The following STRADA variants were observed in gnomAD, a reference collection of about 807,000 sequenced individuals.
STRADA encodes the protein STE20-related kinase adapter protein alpha.
STRADA carries 26 observed loss-of-function variants against 55.0 expected under a neutral mutation model. That is an observed-to-expected ratio of 0.47 (90% CI 0.35 to 0.66). STRADA has a LOEUF of 0.66. STRADA is among the 30% of genes least tolerant of loss of function. The pLI is 0.01. For synonymous variants in STRADA, 197 were observed against 210.9 expected, an observed-to-expected ratio of 0.93 and a Z score of 0.57; for missense variants, 443 against 549.7, an observed-to-expected ratio of 0.81 and a Z score of 1.94.
intron 4 of STRADA, among the ~76,000 whole-genome samples, chr17:63,718,349 C>T (rs1266656169): frequency 6.6e-6 from 1 of 152,118 alleles, no homozygotes; most frequent in Non-Finnish European, 1.5e-5. Context: ...AATGGAGCAG[C>T]AATTTGAGCA....
chr17:63,723,637 C>T (rs2037456498), intron 3 of STRADA: 2 of 315,764 alleles, frequency 6.3e-6, no homozygotes, highest in Non-Finnish European at 1.2e-5. Context: ...TTGGCATCAA[C>T]ACACAATGTT....
chr17:63,732,000 G>T (rs924506833), intron 1 of STRADA, among the ~76,000 whole-genome samples: 2 of 152,020 alleles, frequency 1.3e-5, no homozygotes, highest in African/African-American at 4.8e-5. Flanking sequence ...GAGTAGCTGG[G>T]ACTACAGGCG....
At chr17:63,740,151 C>CATATATAT in intron 1 of STRADA, among the ~76,000 whole-genome samples, 1 of 79,690 alleles carries the variant, frequency 1.3e-5, no homozygotes, top group East Asian at 4.9e-4. Flanking sequence ...TATATATACA[C>CATATATAT]ACACACACAC....
intron 3 of STRADA, chr17:63,725,765 G>A (rs146551113): frequency 0.32 from 48,787 of 151,950 alleles, 8,569 homozygotes; most frequent in South Asian, 0.58. Flanking sequence ...CGCCTCCTGG[G>A]TTCACGCCAT....
intron 10 of STRADA, 80 bp downstream of exon 10, chr17:63,706,555 G>T: frequency 1.0e-6 from 1 of 990,294 alleles, no homozygotes; most frequent in Non-Finnish European, 1.6e-6. Context: ...CCTAGTCTGT[G>T]TCCTGAGTGT....
At chr17:63,740,973 A>G (rs955987157) in intron 1 of STRADA, among the ~76,000 whole-genome samples, 5 of 152,206 alleles carry the variant, frequency 3.3e-5, no homozygotes, top group African/African-American at 1.2e-4. Flanking sequence ...ATGAGTGTCA[A>G]TGAAGAATTG....
chr17:63,721,512 G>C (rs1399811493), intron 4 of STRADA, among the ~76,000 whole-genome samples: 1 of 151,432 alleles, frequency 6.6e-6, no homozygotes, highest in East Asian at 1.9e-4. Context: ...TGAGGTCAGG[G>C]GTTCGAGACC....
rs371845914 is a variant in STRADA at position 63,714,060 on chromosome 17, C to A, written c.172G>T (p.Val58Phe). The A allele has an allele frequency of 4.5e-5, 73 of 1,613,872 alleles. No individual in the cohort carries two copies. The highest frequency in any genetic ancestry group is 6.1e-5 in the Non-Finnish European group (72 of 1,179,964). ...CCCTCTGGCAGAAAGCTACTCATGA[C>A]CTCCTGTTTAGAGAAGGATGCTATT... is the stretch of plus-strand genomic sequence containing the variant. ...ESIASFSKQE[V>F]MSSFLPEGGC... Residue 58 changes from valine to phenylalanine, a missense_variant, in exon 5 of 13, where the codon GTC becomes TTC. Physicochemically the swap from Val to Phe is conservative, Grantham distance 50 (BLOSUM62 -1). Coordinates refer to ENST00000336174, the MANE Select transcript of STRADA (RefSeq NM_001003787.4).
rs1249818974 is a variant in STRADA, at chr17:63,725,405, G to A, written c.94+1233C>T. 2.6e-5 allele frequency among the ~76,000 whole-genome samples: 4 copies of A among 152,130 alleles called. No homozygotes were observed. In the South Asian group the frequency reaches 8.3e-4, roughly 32 times the overall value. The stretch of plus-strand genomic sequence containing the variant: ...CTTGCTCTGTCGCCCAGGCTGGAGT[G>A]CAATGGCGTGATCTTGGCTCACTGC... On this transcript the variant is annotated intron_variant, in intron 3 of 12. Coordinates refer to ENST00000336174, the MANE Select transcript of STRADA (RefSeq NM_001003787.4).
At chr17:63,712,938 T>C (rs1598183624) in intron 6 of STRADA, among the ~76,000 whole-genome samples, 4 of 148,792 alleles carry the variant, frequency 2.7e-5, no homozygotes, top group African/African-American at 1.0e-4. Context: ...GAGGTGGGGG[T>C]TGCAGTGAGC....
chr17:63,729,667 T>C lies in STRADA; in HGVS notation c.-44-1254A>G, dbSNP rs112690656. ...AGCCAGGCATGGTGACAGGCACCTA[T>C]AGTCCCAGCTACTCAGGAGGCTGAG... On this transcript the variant is annotated intron_variant, in intron 1 of 12. Coordinates refer to ENST00000336174, the MANE Select transcript of STRADA (RefSeq NM_001003787.4). 9.4e-3 allele frequency among the ~76,000 whole-genome samples: 1,426 copies of C among 151,752 alleles called. 24 individuals are homozygous for C. The highest frequency in any genetic ancestry group is 0.032 in the African/African-American group (1,335 of 41,410).
chr17:63,705,004 G>A lies in STRADA; in HGVS notation c.859-422C>T, dbSNP rs907642179. 2.5e-6 allele frequency: 3 copies of A among 1,198,324 alleles called. No individual in the cohort carries two copies. The African/African-American group carries it at 4.5e-5, about 18-fold the overall frequency. 74.2% of individuals were successfully genotyped at this position (1,198,324 alleles called of 1,614,324 possible). A position where few individuals can be genotyped will look rare whatever the true frequency, so the allele number is the denominator to read the frequency against. ...TGAGGTCTGAGAGGCAGTCCCTGCA[G>A]TGCCACAGCCTGGGCTGTCGCTGCA... is the stretch of plus-strand genomic sequence containing the variant. On this transcript the variant is annotated intron_variant, in intron 10 of 12. Transcript: ENST00000336174.
At chr17:63,730,806 C>A (rs1461328838) in intron 1 of STRADA, among the ~76,000 whole-genome samples, 4 of 151,894 alleles carry the variant, frequency 2.6e-5, no homozygotes, top group African/African-American at 7.3e-5. Context: ...GGTGATCCAC[C>A]CACCTTAGGC....
At chr17:63,704,109 C>T (rs894803893) in intron 11 of STRADA, 62 bp from the exon 12 acceptor site, 2 of 1,593,246 alleles carry the variant, frequency 1.3e-6, no homozygotes, top group African/African-American at 1.3e-5. Context: ...TCCCGAAATC[C>T]TGCCACTTAT....
chr17:63,712,357 G>A (rs2036557295), intron 6 of STRADA: 1 of 152,212 alleles, frequency 6.6e-6, no homozygotes, highest in African/African-American at 2.4e-5. Context: ...ACAGGCATGA[G>A]CTACCATGCC....
intron 10 of STRADA, 65 bp downstream of exon 10, chr17:63,706,570 G>C: frequency 8.8e-7 from 1 of 1,138,110 alleles, no homozygotes; most frequent in Non-Finnish European, 1.3e-6. Flanking sequence ...GAGTGTGAGA[G>C]CTACTCAACG....
chr17:63,710,399 C>T, intron 8 of STRADA, 92 bp downstream of exon 8: 8 of 1,561,206 alleles, frequency 5.1e-6, no homozygotes, highest in South Asian at 1.2e-5. Context: ...TAAACTCTGG[C>T]TTCATTAACT....
At chr17:63,725,270 A>C (rs1416096869) in intron 3 of STRADA, among the ~76,000 whole-genome samples, 1 of 152,054 alleles carries the variant, frequency 6.6e-6, no homozygotes, top group Non-Finnish European at 1.5e-5. Flanking sequence ...GACCAAAAAA[A>C]CCTATCTGGG....
rs1211329300 is a variant in STRADA, at chr17:63,726,580, CAAA to C, written c.94+55_94+57del. 4.5e-6 allele frequency: 7 copies of C among 1,560,032 alleles called. No homozygotes were observed. In the African/African-American group the frequency reaches 9.6e-5, roughly 21 times the overall value. On this transcript the variant is annotated intron_variant, in intron 3 of 12. Coordinates refer to ENST00000336174, the MANE Select transcript of STRADA (RefSeq NM_001003787.4). Reference sequence around the variant, plus strand: ...AATTGCTATAGATTGATTTAGTCAACAAAAAAGTAGTGATTTTTATATCCTGAA... The same window carrying C: ...AATTGCTATAGATTGATTTAGTCAACAAAGTAGTGATTTTTATATCCTGAA...
Sources: gnomAD v4.1 joint callset for allele counts (sites outside exome capture counted in the v4.1 genomes callset) on GRCh38, gnomAD v4.1.1 for gene constraint, MANE v1.5 for transcripts, NCBI Gene and HGNC (gene_info 2026-07-23, HGNC 2026-07-21) for gene names.